HSPA14: variants seen among roughly 807,000 people sequenced by gnomAD.
HSPA14 encodes the protein heat shock 70 kDa protein 14.
A neutral mutation model predicts 65.5 loss-of-function variants in HSPA14; 37 were observed. That is an observed-to-expected ratio of 0.56 (90% CI 0.43 to 0.74). HSPA14 has a LOEUF of 0.74. Among genes scored for constraint, HSPA14 ranks in the 30% least tolerant of loss-of-function variants. The probability of loss-of-function intolerance (pLI) is 0.00; values close to 1 mark genes in which losing one functional copy is unlikely to be tolerated. For synonymous variants in HSPA14, 203 were observed against 214.2 expected, an observed-to-expected ratio of 0.95 and a Z score of 0.46; for missense variants, 564 against 607.6, an observed-to-expected ratio of 0.93 and a Z score of 0.75.
chr10:14,866,946 CAT>C, intron 10 of HSPA14, 135 bp from the exon 11 acceptor site: 2 of 578,104 alleles, frequency 3.5e-6, no homozygotes, highest in South Asian at 4.8e-5. Flanking sequence ...TTAAGTATAA[CAT>C]AACATGTTAA....
At chr10:14,838,859 C>T (rs1251461733) in intron 1 of HSPA14, among the ~76,000 whole-genome samples, 4 of 152,040 alleles carry the variant, frequency 2.6e-5, no homozygotes, top group South Asian at 4.2e-4. Context: ...GACGTCCTGG[C>T]CTCTGGATGC....
At chr10:14,859,252 G>A (rs1832732474) in intron 10 of HSPA14, among the ~76,000 whole-genome samples, 1 of 152,158 alleles carries the variant, frequency 6.6e-6, no homozygotes, top group South Asian at 2.1e-4. Flanking sequence ...AGAAGCTGGG[G>A]GTGGGGGCAG....
At position 14,842,360 on chromosome 10, in the gene HSPA14, G is replaced by A; in HGVS notation, c.221+2203G>A. 6.5e-7 allele frequency: 1 copy of A among 1,536,146 alleles called. No individual in the cohort carries two copies. Among genetic ancestry groups the A allele is most frequent in the Non-Finnish European group, 8.7e-7 (1 of 1,146,914 alleles). ...ACGAACTCTTCTCTCCATACTAGGCGAGGCAGAGTATATTCAGCGCCTCCA... is the reference window on the plus strand; with the variant it reads ...ACGAACTCTTCTCTCCATACTAGGCAAGGCAGAGTATATTCAGCGCCTCCA... On this transcript the variant is annotated intron_variant, in intron 3 of 13. Transcript: ENST00000378372. The surrounding 1 kb of genome is among the most constrained non-coding windows in gnomAD (Gnocchi z 5.2).
At chr10:14,846,467 CAG>C (rs1834054806) in intron 3 of HSPA14, 4 of 985,128 alleles carry the variant, frequency 4.1e-6, no homozygotes, top group Non-Finnish European at 4.8e-6. Flanking sequence ...AATAAGTACA[CAG>C]AAAAATAGGC....
intron 1 of HSPA14, among the ~76,000 whole-genome samples, chr10:14,838,835 G>C (rs901538277): frequency 2.0e-5 from 3 of 152,152 alleles, no homozygotes; most frequent in Admixed American, 2.0e-4. Flanking sequence ...GAGCATTTTG[G>C]GGGAGGTCAC....
rs1486881247 is a variant in HSPA14, at chr10:14,867,144, T to G, written c.1055T>G (p.Phe352Cys). 4 of 1,613,814 alleles carry G rather than the reference T, an allele frequency of 2.5e-6. No individual in the cohort carries two copies. Among genetic ancestry groups the G allele is most frequent in the Admixed American group, 3.3e-5 (2 of 60,010 alleles). The stretch of plus-strand genomic sequence containing the variant: ...CTACAGCAACTGATTAAAGATCTTT[T>G]CCCAGCTGTTGAGCTTCTCAATTCT... ...PKLQQLIKDL[F>C]PAVELLNSIP... Residue 352 changes from phenylalanine to cysteine, a missense_variant, in exon 11 of 14, where the codon TTC (phenylalanine) becomes TGC (cysteine). Phe to Cys is a radical substitution (Grantham distance 205, BLOSUM62 -2). Coordinates refer to ENST00000378372, the MANE Select transcript of HSPA14 (RefSeq NM_016299.4).
chr10:14,854,398 T>C, intron 9 of HSPA14, 118 bp downstream of exon 9: 2 of 776,664 alleles, frequency 2.6e-6, no homozygotes, highest in Non-Finnish European at 4.0e-6. Context: ...CCATCTATAA[T>C]GTCTTCACTT....
chr10:14,864,573 C>T (rs1349580589), intron 10 of HSPA14, among the ~76,000 whole-genome samples: 1 of 149,992 alleles, frequency 6.7e-6, no homozygotes, highest in Non-Finnish European at 1.5e-5. Flanking sequence ...TGAGTGAGAA[C>T]ATGCGGTGTT....
intron 10 of HSPA14, among the ~76,000 whole-genome samples, chr10:14,861,961 G>A (rs760978514): frequency 2.0e-5 from 3 of 150,630 alleles, no homozygotes; most frequent in Admixed American, 6.6e-5. Flanking sequence ...GCAGTGAGCC[G>A]AGATCACGCC....
At chr10:14,870,565 G>A (rs1832845291) in intron 12 of HSPA14, 32 bp from the exon 13 acceptor site, 4 of 1,564,606 alleles carry the variant, frequency 2.6e-6, no homozygotes, top group Non-Finnish European at 3.5e-6. Flanking sequence ...TAAAGATGCT[G>A]AATTCTCTTC....
intron 3 of HSPA14, chr10:14,843,262 C>A: frequency 7.3e-7 from 1 of 1,366,948 alleles, no homozygotes; most frequent in Non-Finnish European, 1.0e-6. Context: ...TGGAAAGAGG[C>A]TTTCCAGGAA....
At chr10:14,870,543 A>G in intron 12 of HSPA14, 54 bp from the exon 13 acceptor site, 2 of 1,536,260 alleles carry the variant, frequency 1.3e-6, no homozygotes, top group Non-Finnish European at 1.8e-6. Context: ...TTGATACATC[A>G]GTTCATTTAT....
chr10:14,842,437 G>A lies in HSPA14; in HGVS notation c.221+2280G>A. 5 of 1,536,188 alleles carry A rather than the reference G, an allele frequency of 3.3e-6. No homozygotes were observed. Among genetic ancestry groups the A allele is most frequent in the Non-Finnish European group, 4.4e-6 (5 of 1,146,926 alleles). On this transcript the variant is annotated intron_variant, in intron 3 of 13. Coordinates refer to ENST00000378372, the MANE Select transcript of HSPA14 (RefSeq NM_016299.4). This position sits in a 1 kb window ranked among gnomAD's most constrained non-coding sequence, Gnocchi z 5.2. ...ATCAGGCTGTGTCTAAGCGAATGCA[G>A]CAGGAGGGCTTCCGCCGCACCGAAC... is the stretch of plus-strand genomic sequence containing the variant.
At chr10:14,852,339 C>G in intron 7 of HSPA14, 31 bp from the exon 8 acceptor site, 1 of 1,579,384 alleles carries the variant, frequency 6.3e-7, no homozygotes, top group Non-Finnish European at 8.7e-7. Context: ...AAATGTTATT[C>G]CCTGATAACT....
chr10:14,864,479 C>T (rs1030566731), intron 10 of HSPA14, among the ~76,000 whole-genome samples: 1 of 151,958 alleles, frequency 6.6e-6, no homozygotes, highest in African/African-American at 2.4e-5. Context: ...TATCCCTCCC[C>T]CCTACCCCCA....
At chr10:14,859,063 G>C (rs887325304) in intron 10 of HSPA14, among the ~76,000 whole-genome samples, 1 of 152,144 alleles carries the variant, frequency 6.6e-6, no homozygotes, top group Non-Finnish European at 1.5e-5. Context: ...TGAGAGCAGA[G>C]AGCTTCAGGG....
chr10:14,855,002 G>A (rs958072271), intron 9 of HSPA14, among the ~76,000 whole-genome samples: 11 of 152,172 alleles, frequency 7.2e-5, no homozygotes, highest in Non-Finnish European at 1.5e-4. Context: ...AGATAGAAAA[G>A]GCATTGCATT....
At chr10:14,857,227 G>A (rs1832710781) in intron 10 of HSPA14, among the ~76,000 whole-genome samples, 1 of 152,204 alleles carries the variant, frequency 6.6e-6, no homozygotes, top group Non-Finnish European at 1.5e-5. Context: ...CCCTGTAAGA[G>A]AATGATGCCT....
At chr10:14,862,270 C>T (rs866463181) in intron 10 of HSPA14, among the ~76,000 whole-genome samples, 25 of 151,596 alleles carry the variant, frequency 1.6e-4, no homozygotes, top group Admixed American at 5.9e-4. Context: ...CCTCGTGATC[C>T]GCCTGCCTCG....
Sources: gnomAD v4.1 joint callset for allele counts (sites outside exome capture counted in the v4.1 genomes callset) on GRCh38, gnomAD v4.1.1 for gene constraint, Gnocchi (gnomAD v3.1) non-coding constraint, MANE v1.5 for transcripts, NCBI Gene and HGNC (gene_info 2026-07-23, HGNC 2026-07-21) for gene names.